The following KCNH5 variants were observed in gnomAD, a reference collection of about 807,000 sequenced individuals.
The protein encoded by KCNH5 is potassium voltage-gated channel subfamily H member 5, also known as voltage-gated delayed rectifier potassium channel KCNH5.
In KCNH5, 46 loss-of-function variants were observed where a neutral mutation model predicts 96.1. The ratio of observed to expected loss-of-function variants is 0.48; its 90% confidence interval spans 0.38 to 0.61. The LOEUF (loss-of-function observed/expected upper bound fraction) is 0.61, where lower values mean the gene tolerates loss of function less well. Among genes scored for constraint, KCNH5 ranks in the 20% least tolerant of loss-of-function variants. The pLI, the probability that KCNH5 is intolerant of heterozygous loss-of-function variation, is 0.00. For synonymous variants in KCNH5, 439 were observed against 449.8 expected (o/e 0.98, Z 0.30); for missense variants, 907 against 1,225.8 (o/e 0.74, Z 3.88).
At position 62,981,200 on chromosome 14, in the gene KCNH5, T is replaced by C. The variant is rs764377734; in HGVS notation, c.614A>G (p.His205Arg). ...YKQEAPKTPPHIILHYCAFKT... is the reference protein window; with the variant it reads ...YKQEAPKTPPRIILHYCAFKT... The stretch of plus-strand genomic sequence containing the variant: ...AAAAGCACAATAATGTAAAATAATG[T>C]GTGGTGGCGTCTTTGGCGCTTCTTG... Residue 205 changes from histidine to arginine, a missense_variant, in exon 6 of 11, where the codon CAC (histidine) becomes CGC (arginine). Physicochemically the swap from His to Arg is conservative, Grantham distance 29 (BLOSUM62 0). Around this residue, in one of 6 missense-constraint regions of KCNH5, gnomAD observed 370 missense variants for 561.3 expected, o/e 0.66. Transcript: ENST00000322893. 6.2e-7 allele frequency: 1 copy of C among 1,614,144 alleles called. No homozygotes were observed. Among genetic ancestry groups the C allele is most frequent in the Non-Finnish European group, 8.5e-7 (1 of 1,179,994 alleles).
At chr14:62,783,760 G>A (rs536684868) in intron 9 of KCNH5, among the ~76,000 whole-genome samples, 1 of 151,922 alleles carries the variant, frequency 6.6e-6, no homozygotes, top group African/African-American at 2.4e-5. Context: ...AAATATTAAT[G>A]TCCAAAGAAT....
chr14:62,722,143 A>G (rs919092791), intron 10 of KCNH5, among the ~76,000 whole-genome samples: 1 of 152,228 alleles, frequency 6.6e-6, no homozygotes, highest in Non-Finnish European at 1.5e-5. Flanking sequence ...AATGATAAAG[A>G]AAAACCCTCA....
At chr14:62,789,693 C>T (rs1371516871) in intron 9 of KCNH5, among the ~76,000 whole-genome samples, 2 of 151,812 alleles carry the variant, frequency 1.3e-5, no homozygotes, top group African/African-American at 4.8e-5. Flanking sequence ...ATTTGAGCAC[C>T]TTTTCATATA....
At chr14:62,794,653 C>T (rs922437666) in intron 9 of KCNH5, among the ~76,000 whole-genome samples, 4 of 151,896 alleles carry the variant, frequency 2.6e-5, no homozygotes, top group African/African-American at 7.3e-5. Context: ...CTTCCAAAGA[C>T]GCCCAAGTGT....
intron 7 of KCNH5, among the ~76,000 whole-genome samples, chr14:62,948,770 G>GCA (rs1889942946): frequency 2.0e-5 from 3 of 148,964 alleles, no homozygotes; most frequent in Admixed American, 2.0e-4. Flanking sequence ...ATAAAATACT[G>GCA]GCAAACCGAA....
At chr14:62,918,177 T>G (rs542659516) in intron 7 of KCNH5, among the ~76,000 whole-genome samples, 1 of 152,254 alleles carries the variant, frequency 6.6e-6, no homozygotes, top group African/African-American at 2.4e-5. Flanking sequence ...TTAATTGAAT[T>G]AAATAAGAAA....
intron 10 of KCNH5, among the ~76,000 whole-genome samples, chr14:62,736,258 TGTAA>T (rs1459117459): frequency 6.6e-6 from 1 of 152,308 alleles, no homozygotes; most frequent in East Asian, 1.9e-4. Context: ...CCTCTTAAAC[TGTAA>T]GTTAGATCAT....
chr14:62,733,348 T>C (rs1022562311), intron 10 of KCNH5, among the ~76,000 whole-genome samples: 8 of 152,044 alleles, frequency 5.3e-5, no homozygotes, highest in African/African-American at 1.9e-4. Context: ...CGAGAGAGAT[T>C]GCTTTCTCTC....
At chr14:62,927,254 G>A (rs1411954895) in intron 7 of KCNH5, among the ~76,000 whole-genome samples, 2 of 152,120 alleles carry the variant, frequency 1.3e-5, no homozygotes, top group African/African-American at 2.4e-5. Flanking sequence ...TGACAGGGAT[G>A]TGGAGAAACT....
chr14:62,984,099 C>T (rs1225436910), intron 5 of KCNH5, among the ~76,000 whole-genome samples: 1 of 152,162 alleles, frequency 6.6e-6, no homozygotes, highest in East Asian at 1.9e-4. Context: ...CAGTAACAGA[C>T]TCTTCATTTT....
At chr14:63,004,203 C>G (rs113231383) in intron 3 of KCNH5, among the ~76,000 whole-genome samples, 12 of 152,120 alleles carry the variant, frequency 7.9e-5, no homozygotes, top group African/African-American at 2.9e-4. Flanking sequence ...CAAAAATATG[C>G]TTTTCTCAGC....
intron 4 of KCNH5, among the ~76,000 whole-genome samples, chr14:62,988,190 T>C (rs1043141549): frequency 6.6e-6 from 1 of 152,050 alleles, no homozygotes; most frequent in Admixed American, 6.6e-5. Context: ...CATACTCTCA[T>C]CCTGTCTCAA....
intron 4 of KCNH5, among the ~76,000 whole-genome samples, chr14:63,000,935 T>C (rs1890999115): frequency 6.6e-6 from 1 of 152,016 alleles, no homozygotes. Context: ...ATTAGCCAGG[T>C]ATGGTGGCGC....
chr14:62,866,541 C>A (rs1287392959), intron 7 of KCNH5, among the ~76,000 whole-genome samples: 1 of 152,076 alleles, frequency 6.6e-6, no homozygotes, highest in Non-Finnish European at 1.5e-5. Context: ...GCAGAAATGT[C>A]AACTATAATA....
At chr14:62,781,245 T>C (rs1022033238) in intron 9 of KCNH5, among the ~76,000 whole-genome samples, 4 of 152,104 alleles carry the variant, frequency 2.6e-5, no homozygotes, top group African/African-American at 9.7e-5. Flanking sequence ...AGTGTGCGAA[T>C]AGGTGTGGGT....
intron 9 of KCNH5, among the ~76,000 whole-genome samples, chr14:62,785,635 C>G (rs1886305945): frequency 6.6e-6 from 1 of 152,110 alleles, no homozygotes; most frequent in Admixed American, 6.6e-5. Flanking sequence ...TTCATCAAGT[C>G]TTATGAAGTA....
chr14:62,883,915 AT>A (rs1447502602), intron 7 of KCNH5, among the ~76,000 whole-genome samples: 3 of 152,150 alleles, frequency 2.0e-5, no homozygotes, highest in Non-Finnish European at 4.4e-5. Flanking sequence ...TTTGATCTCA[AT>A]TTGCTCCAGT....
chr14:62,969,693 A>C (rs1397973545), intron 6 of KCNH5, among the ~76,000 whole-genome samples: 1 of 151,702 alleles, frequency 6.6e-6, no homozygotes, highest in Non-Finnish European at 1.5e-5. Context: ...ACCATGACAC[A>C]GGTTTACCTC....
intron 7 of KCNH5, among the ~76,000 whole-genome samples, chr14:62,909,076 C>T (rs1161355835): frequency 3.5e-4 from 41 of 116,042 alleles, no homozygotes; most frequent in African/African-American, 1.3e-3. Flanking sequence ...GACGGAATCT[C>T]GCTCTGTCGC....
Sources: gnomAD v4.1 joint callset for allele counts (sites outside exome capture counted in the v4.1 genomes callset) on GRCh38, gnomAD v4.1.1 for gene constraint, gnomAD v4.1.1 regional missense constraint, MANE v1.5 for transcripts, NCBI Gene and HGNC (gene_info 2026-07-23, HGNC 2026-07-21) for gene names.